Variants in COL25A1 observed in about 807,000 individuals in gnomAD.
COL25A1 encodes collagen alpha-1(XXV) chain.
Under a neutral mutation model 128.4 loss-of-function variants are expected in COL25A1, and 103 were observed. That is an observed-to-expected ratio of 0.80 (90% CI 0.68 to 0.94). The LOEUF is 0.94. Among genes scored for constraint, COL25A1 ranks in the 40% least tolerant of loss-of-function variants. The pLI, the probability that COL25A1 is intolerant of heterozygous loss-of-function variation, is 0.00. For missense variants in COL25A1, 745 were observed against 840.0 expected, an observed-to-expected ratio of 0.89 and a Z score of 1.40; for synonymous variants, 279 against 277.2, an observed-to-expected ratio of 1.01 and a Z score of -0.06.
At chr4:109,190,363 A>C (rs973001419) in intron 3 of COL25A1, among the ~76,000 whole-genome samples, 3 of 152,128 alleles carry the variant, frequency 2.0e-5, no homozygotes, top group Non-Finnish European at 4.4e-5. Context: ...TAATCACAAG[A>C]ATAAGGAAAA....
chr4:109,219,733 T>G (rs1383457560), intron 3 of COL25A1, among the ~76,000 whole-genome samples: 1 of 152,192 alleles, frequency 6.6e-6, no homozygotes, highest in African/African-American at 2.4e-5. Context: ...AGGAAAAAGC[T>G]ATTACTTTCT....
intron 5 of COL25A1, among the ~76,000 whole-genome samples, chr4:109,012,619 G>A (rs535984203): frequency 3.5e-4 from 54 of 152,232 alleles, no homozygotes; most frequent in Middle Eastern, 3.4e-3. Context: ...CTTAGCACCT[G>A]GGCCAGCAGC....
At chr4:108,976,841 T>C (rs1752486638) in intron 6 of COL25A1, among the ~76,000 whole-genome samples, 1 of 152,248 alleles carries the variant, frequency 6.6e-6, no homozygotes, top group Non-Finnish European at 1.5e-5. Context: ...AAATTACTAA[T>C]AACTACATCA....
At chr4:109,104,306 G>A (rs1052228682) in intron 3 of COL25A1, among the ~76,000 whole-genome samples, 1 of 152,042 alleles carries the variant, frequency 6.6e-6, no homozygotes, top group Non-Finnish European at 1.5e-5. Context: ...CCAGGAGTTC[G>A]AGGTTACAGT....
At chr4:109,077,255 T>C (rs1292075602) in intron 3 of COL25A1, among the ~76,000 whole-genome samples, 1 of 152,110 alleles carries the variant, frequency 6.6e-6, no homozygotes, top group Non-Finnish European at 1.5e-5. Context: ...ATGGAAACAG[T>C]AGAAAATGAG....
intron 3 of COL25A1, among the ~76,000 whole-genome samples, chr4:109,234,860 CCTCAAAA>C (rs569525221): frequency 1.6e-3 from 237 of 152,136 alleles, no homozygotes; most frequent in African/African-American, 5.3e-3. Context: ...ATACCAGTAG[CCTCAAAA>C]CCATAGAAGC....
chr4:108,846,079 A>G (rs762081466), intron 28 of COL25A1, 60 bp downstream of exon 28: 4 of 1,092,590 alleles, frequency 3.7e-6, no homozygotes, highest in Non-Finnish European at 4.2e-6. Flanking sequence ...CTGATTGTTT[A>G]ATTTATCTTA....
At chr4:109,150,034 ATGTATGTG>A (rs1162746043) in intron 3 of COL25A1, among the ~76,000 whole-genome samples, 10 of 149,292 alleles carry the variant, frequency 6.7e-5, no homozygotes, top group East Asian at 2.0e-4. Context: ...GTGTATGTGT[ATGTATGTG>A]TGTATGTGTG....
At chr4:108,940,756 A>G (rs1220134210) in intron 9 of COL25A1, 110 bp from the exon 10 acceptor site, 1 of 683,020 alleles carries the variant, frequency 1.5e-6, no homozygotes, top group Non-Finnish European at 2.4e-6. Flanking sequence ...CACTATGAAA[A>G]GAACCAGAAC....
At chr4:109,248,854 G>C (rs1222766790) in intron 3 of COL25A1, among the ~76,000 whole-genome samples, 2 of 152,160 alleles carry the variant, frequency 1.3e-5, no homozygotes, top group Non-Finnish European at 2.9e-5. Context: ...TCCTTGATAA[G>C]AAGAAGCACT....
chr4:108,940,902 T>C (rs1244842463), intron 9 of COL25A1, among the ~76,000 whole-genome samples: 2 of 152,222 alleles, frequency 1.3e-5, no homozygotes, highest in African/African-American at 4.8e-5. Context: ...GGAAATAGTG[T>C]GTATGTTACC....
At chr4:109,074,441 T>A (rs1212014436) in intron 3 of COL25A1, among the ~76,000 whole-genome samples, 2 of 152,330 alleles carry the variant, frequency 1.3e-5, no homozygotes, top group East Asian at 3.9e-4. Flanking sequence ...GAAGAAAGAA[T>A]AAGCAACTAC....
intron 24 of COL25A1, 58 bp downstream of exon 24, chr4:108,859,598 C>G (rs1736918248): frequency 7.0e-7 from 1 of 1,433,008 alleles, no homozygotes; most frequent in Non-Finnish European, 9.7e-7. Context: ...GCACACATTA[C>G]ATGGGTGCTC....
chr4:108,871,271 A>T (rs1417457464), intron 19 of COL25A1, among the ~76,000 whole-genome samples: 2 of 152,226 alleles, frequency 1.3e-5, no homozygotes, highest in Admixed American at 6.5e-5. Flanking sequence ...TTAGCACTGC[A>T]TTTGACAATC....
chr4:109,252,383 C>A (rs1321278922), intron 3 of COL25A1, among the ~76,000 whole-genome samples: 1 of 152,158 alleles, frequency 6.6e-6, no homozygotes, highest in Non-Finnish European at 1.5e-5. Context: ...CATTGCTGAG[C>A]CCATGTATAA....
At chr4:109,067,897 T>G (rs779654083) in intron 3 of COL25A1, among the ~76,000 whole-genome samples, 1 of 152,202 alleles carries the variant, frequency 6.6e-6, no homozygotes, top group African/African-American at 2.4e-5. Flanking sequence ...GGGTCAGATC[T>G]CAGAACCAAA....
chr4:109,173,068 A>G (rs918850087), intron 3 of COL25A1, among the ~76,000 whole-genome samples: 3 of 152,116 alleles, frequency 2.0e-5, no homozygotes, highest in Non-Finnish European at 4.4e-5. Context: ...CATTATAGAA[A>G]CCATACTTTA....
At chr4:109,188,150 A>G (rs981629769) in intron 3 of COL25A1, among the ~76,000 whole-genome samples, 1 of 152,236 alleles carries the variant, frequency 6.6e-6, no homozygotes, top group African/African-American at 2.4e-5. Context: ...CGATGTTCCG[A>G]TGCTCCTCCC....
chr4:108,995,045 C>A (rs1362802365), intron 6 of COL25A1, among the ~76,000 whole-genome samples: 1 of 152,150 alleles, frequency 6.6e-6, no homozygotes, highest in Non-Finnish European at 1.5e-5. Flanking sequence ...TTCAAAAAAA[C>A]AGAGTGCCTC....
Sources: gnomAD v4.1 joint callset for allele counts (sites outside exome capture counted in the v4.1 genomes callset) on GRCh38, gnomAD v4.1.1 for gene constraint, MANE v1.5 for transcripts, NCBI Gene and HGNC (gene_info 2026-07-23, HGNC 2026-07-21) for gene names.